Variants in GASK1B observed in about 807,000 individuals in gnomAD.
GASK1B encodes the protein golgi associated kinase 1B, also known as Golgi-associated kinase 1B.
A neutral mutation model predicts 42.8 loss-of-function variants in GASK1B; 34 were observed. That is an observed-to-expected ratio of 0.79 (90% CI 0.60 to 1.06). The LOEUF (loss-of-function observed/expected upper bound fraction) is 1.06, where lower values mean the gene tolerates loss of function less well. GASK1B is among the 50% of genes least tolerant of loss of function. The pLI is 0.00. For missense variants in GASK1B, 686 were observed against 661.0 expected (o/e 1.04, Z -0.42); for synonymous variants, 262 against 259.1 (o/e 1.01, Z -0.11).
intron 3 of GASK1B, among the ~76,000 whole-genome samples, chr4:158,147,113 C>A (rs1252119635): frequency 6.6e-6 from 1 of 152,118 alleles, no homozygotes; most frequent in African/African-American, 2.4e-5. Flanking sequence ...TCACAAATAT[C>A]CATCCAATAC....
At chr4:158,142,402 AAC>A (rs530714848) in intron 3 of GASK1B, among the ~76,000 whole-genome samples, 1 of 152,102 alleles carries the variant, frequency 6.6e-6, no homozygotes, top group Admixed American at 6.5e-5. Flanking sequence ...ACCAAACTAC[AAC>A]ACACACACAC....
chr4:158,130,928 A>G lies in GASK1B; in HGVS notation c.1210T>C (p.Cys404Arg), dbSNP rs1206427019. ...ACVQNGLRPK[C>R]DDQGSAALAH... The stretch of plus-strand genomic sequence containing the variant: ...AGAGCCGCAGAACCTTGGTCATCAC[A>G]TTTTGGCCTCAATCCATTCTGTACA... The change falls in exon 4 of 5, where the codon TGT (cysteine) becomes CGT (arginine). Residue 404 changes from cysteine (C) to arginine (R), a missense_variant. Coordinates refer to ENST00000585682, the MANE Select transcript of GASK1B (RefSeq NM_001128424.2). 29 of 1,613,978 alleles carry G rather than the reference A, an allele frequency of 1.8e-5. No homozygotes were observed. The highest frequency in any genetic ancestry group is 2.5e-5 in the Non-Finnish European group (29 of 1,179,978).
intron 3 of GASK1B, among the ~76,000 whole-genome samples, chr4:158,139,956 G>C (rs1731050664): frequency 6.6e-6 from 1 of 152,144 alleles, no homozygotes; most frequent in African/African-American, 2.4e-5. Context: ...TACAGGTAGA[G>C]ATTTTTAAAA....
At chr4:158,137,097 C>A (rs1730922748) in intron 3 of GASK1B, among the ~76,000 whole-genome samples, 2 of 152,170 alleles carry the variant, frequency 1.3e-5, no homozygotes, top group South Asian at 4.1e-4. Flanking sequence ...TTGAACAGGC[C>A]AAATAATGGA....
intron 2 of GASK1B, among the ~76,000 whole-genome samples, chr4:158,162,842 A>G (rs1031068991): frequency 1.3e-5 from 2 of 152,224 alleles, no homozygotes; most frequent in African/African-American, 4.8e-5. Flanking sequence ...GCCCCATGCT[A>G]CAGTCATTGG....
intron 3 of GASK1B, among the ~76,000 whole-genome samples, chr4:158,154,776 T>G (rs1731695174): frequency 6.6e-6 from 1 of 152,192 alleles, no homozygotes; most frequent in Non-Finnish European, 1.5e-5. Flanking sequence ...AAACATCGTA[T>G]GTTCTCACTC....
intron 2 of GASK1B, among the ~76,000 whole-genome samples, chr4:158,156,459 G>A (rs906352252): frequency 2.6e-5 from 4 of 152,126 alleles, no homozygotes; most frequent in African/African-American, 9.7e-5. Context: ...TCAACAAAGT[G>A]CATTTAAGCA....
intron 4 of GASK1B, among the ~76,000 whole-genome samples, chr4:158,130,391 C>T (rs1018877282): frequency 6.6e-6 from 1 of 152,188 alleles, no homozygotes; most frequent in Non-Finnish European, 1.5e-5. Flanking sequence ...AATATTTGCA[C>T]ATCTATTAGT....
chr4:158,138,909 A>T (rs574840576), intron 3 of GASK1B, among the ~76,000 whole-genome samples: 2 of 152,332 alleles, frequency 1.3e-5, no homozygotes, highest in African/African-American at 4.8e-5. Flanking sequence ...TTACATATAC[A>T]TATAGAATTT....
At chr4:158,137,124 G>T (rs1232034656) in intron 3 of GASK1B, among the ~76,000 whole-genome samples, 2 of 152,154 alleles carry the variant, frequency 1.3e-5, no homozygotes, top group East Asian at 1.9e-4. Context: ...TGTGCTTGCT[G>T]TGTGCTTTTG....
chr4:158,169,517 G>A (rs1396560946), intron 2 of GASK1B: 1 of 152,204 alleles, frequency 6.6e-6, no homozygotes, highest in Non-Finnish European at 1.5e-5. Context: ...GAACCTCACT[G>A]AAATGCTAAA....
chr4:158,151,022 A>C (rs2110980475), intron 3 of GASK1B, among the ~76,000 whole-genome samples: 1 of 152,358 alleles, frequency 6.6e-6, no homozygotes, highest in South Asian at 2.1e-4. Context: ...ATGAACTAAC[A>C]AAAGGATAAT....
intron 3 of GASK1B, among the ~76,000 whole-genome samples, chr4:158,140,806 T>C (rs114847178): frequency 0.022 from 3,348 of 152,328 alleles, 124 homozygotes; most frequent in Admixed American, 0.11. Flanking sequence ...CCCAGCTATG[T>C]CTATAACTAG....
intron 3 of GASK1B, among the ~76,000 whole-genome samples, chr4:158,155,161 C>T (rs1237320130): frequency 1.3e-5 from 2 of 152,162 alleles, no homozygotes; most frequent in African/African-American, 2.4e-5. Flanking sequence ...AACTTAAGAT[C>T]GACAAAGCAG....
At position 158,126,659 on chromosome 4, in the gene GASK1B, A is replaced by C. The variant is rs1730465201; in HGVS notation, c.*748T>G. 6.6e-6 allele frequency: 1 copy of C among 152,122 alleles called. No individual in the cohort carries two copies. Among genetic ancestry groups the C allele is most frequent in the Non-Finnish European group, 1.5e-5 (1 of 68,010 alleles). 9.4% of individuals were successfully genotyped at this position (152,122 alleles called of 1,614,324 possible). ...GTAACTTCATACTTTAGAATTATTT[A>C]ATTTCTCAGCCACTAGATACAAATT... On this transcript the variant is annotated 3_prime_UTR_variant, in exon 5 of 5. Transcript: ENST00000585682.
intron 2 of GASK1B, among the ~76,000 whole-genome samples, chr4:158,162,047 T>C (rs1019528212): frequency 1.3e-5 from 2 of 152,228 alleles, no homozygotes; most frequent in African/African-American, 4.8e-5. Flanking sequence ...GAACACACTC[T>C]GCTTTCACAC....
intron 2 of GASK1B, among the ~76,000 whole-genome samples, chr4:158,165,683 C>T (rs183614246): frequency 7.6e-4 from 115 of 152,230 alleles, no homozygotes; most frequent in Non-Finnish European, 1.3e-3. Context: ...GACATTATCC[C>T]ATAATTGTAG....
chr4:158,170,533 G>C lies in GASK1B; in HGVS notation c.843C>G (p.His281Gln). 6.2e-7 allele frequency: 1 copy of C among 1,614,266 alleles called. No individual in the cohort carries two copies. The highest frequency in any genetic ancestry group is 8.5e-7 in the Non-Finnish European group (1 of 1,180,060). Residue 281 changes from histidine to glutamine, a missense_variant, in exon 2 of 5, where the codon CAC (histidine) becomes CAG (glutamine). By Grantham distance (24) the His-to-Gln change is conservative (BLOSUM62 0). Coordinates refer to ENST00000585682, the MANE Select transcript of GASK1B (RefSeq NM_001128424.2). ...PLDMSEVFAFHLDRILGLNRT... is the reference protein window; with the variant it reads ...PLDMSEVFAFQLDRILGLNRT... ...TGTTGAGCCCCAGGATCCTGTCTAG[G>C]TGGAAGGCAAACACCTCACTCATGT...
intron 3 of GASK1B, among the ~76,000 whole-genome samples, chr4:158,137,403 GAC>G (rs1342308237): frequency 1.3e-5 from 2 of 152,228 alleles, no homozygotes; most frequent in East Asian, 3.9e-4. Context: ...AAGGGAAAAA[GAC>G]AGTGAGAATC....
Sources: gnomAD v4.1 joint callset for allele counts (sites outside exome capture counted in the v4.1 genomes callset) on GRCh38, gnomAD v4.1.1 for gene constraint, MANE v1.5 for transcripts, NCBI Gene and HGNC (gene_info 2026-07-23, HGNC 2026-07-21) for gene names.